The following BMP2K variants were observed in gnomAD, a reference collection of about 807,000 sequenced individuals.
The protein encoded by BMP2K is BMP-2-inducible protein kinase.
Under a neutral mutation model 116.0 loss-of-function variants are expected in BMP2K, and 74 were observed. The observed-to-expected ratio is 0.64, with a 90% CI of 0.53 to 0.77. BMP2K has a LOEUF of 0.77. BMP2K is among the 30% of genes least tolerant of loss of function. The pLI, the probability that BMP2K is intolerant of heterozygous loss-of-function variation, is 0.00. For synonymous variants in BMP2K, 486 were observed against 502.5 expected, an observed-to-expected ratio of 0.97 and a Z score of 0.44; for missense variants, 1,365 against 1,403.6, an observed-to-expected ratio of 0.97 and a Z score of 0.44.
intron 1 of BMP2K, among the ~76,000 whole-genome samples, chr4:78,780,275 C>G (rs1398908489): frequency 6.6e-6 from 1 of 151,964 alleles, no homozygotes. Context: ...AATGTAATCA[C>G]GAGGTTATGG....
At chr4:78,864,997 T>A (rs1046359751) in intron 9 of BMP2K, among the ~76,000 whole-genome samples, 1 of 152,168 alleles carries the variant, frequency 6.6e-6, no homozygotes, top group Non-Finnish European at 1.5e-5. Flanking sequence ...TGGGATAAAT[T>A]TTATATACTT....
chr4:78,900,954 A>AG (rs140256058), intron 15 of BMP2K, among the ~76,000 whole-genome samples: 20,310 of 152,204 alleles, frequency 0.13, 2,510 homozygotes, highest in African/African-American at 0.33. Context: ...GTGGTTTATC[A>AG]AAAGACCATT....
intron 15 of BMP2K, among the ~76,000 whole-genome samples, chr4:78,888,874 A>C (rs1733256609): frequency 6.6e-6 from 1 of 152,182 alleles, no homozygotes; most frequent in Non-Finnish European, 1.5e-5. Context: ...AAAAATCATG[A>C]CTATCTATAA....
chr4:78,836,253 T>C (rs1182894535), intron 3 of BMP2K, among the ~76,000 whole-genome samples: 1 of 151,814 alleles, frequency 6.6e-6, no homozygotes. Flanking sequence ...CCTTCTCTAC[T>C]AAAAATACAA....
rs994686406 is a variant in BMP2K, at chr4:78,915,530, G to T, written c.*3497G>T. 2 of 151,728 alleles carry T rather than the reference G, an allele frequency of 1.3e-5. No homozygotes were observed. Among genetic ancestry groups the T allele is most frequent in the Admixed American group, 6.6e-5 (1 of 15,202 alleles). The allele number at this position is 151,728 out of a possible 1,614,324, so 9.4% of individuals were successfully genotyped here. On this transcript the variant is annotated 3_prime_UTR_variant, in exon 16 of 16. Coordinates refer to ENST00000502613, the MANE Select transcript of BMP2K (RefSeq NM_198892.2). ...CCAATTATTGAGTTGACAGTCTACT[G>T]TGAGAATGAGATGACATATCTACTG...
At chr4:78,834,749 A>G (rs1164413355) in intron 3 of BMP2K, among the ~76,000 whole-genome samples, 2 of 152,126 alleles carry the variant, frequency 1.3e-5, no homozygotes, top group Non-Finnish European at 2.9e-5. Context: ...AAAGAGGGGG[A>G]TGATGGTGAT....
intron 1 of BMP2K, among the ~76,000 whole-genome samples, chr4:78,795,206 A>G (rs1295937947): frequency 2.0e-5 from 3 of 152,312 alleles, no homozygotes; most frequent in Non-Finnish European, 2.9e-5. Flanking sequence ...TTCTCTCTCA[A>G]TAGACTACAA....
intron 1 of BMP2K, among the ~76,000 whole-genome samples, chr4:78,787,817 G>A (rs1727800050): frequency 6.6e-6 from 1 of 152,146 alleles, no homozygotes; most frequent in African/African-American, 2.4e-5. Context: ...TCAGAGGGTA[G>A]CAAACCACCC....
chr4:78,834,182 T>A (rs1037132469), intron 3 of BMP2K, among the ~76,000 whole-genome samples: 1 of 152,194 alleles, frequency 6.6e-6, no homozygotes, highest in African/African-American at 2.4e-5. Context: ...TTGGACCTAA[T>A]GTGATGTTTT....
intron 1 of BMP2K, among the ~76,000 whole-genome samples, chr4:78,810,829 T>TC (rs1431395141): frequency 6.7e-6 from 1 of 148,302 alleles, no homozygotes; most frequent in East Asian, 2.0e-4. Context: ...ATAAAAACAT[T>TC]GTTACAAGGC....
At chr4:78,815,471 GAATT>G (rs1374932758) in intron 1 of BMP2K, among the ~76,000 whole-genome samples, 3 of 152,062 alleles carry the variant, frequency 2.0e-5, no homozygotes, top group Non-Finnish European at 2.9e-5. Flanking sequence ...GTAATATTAA[GAATT>G]AATTGGTAAA....
chr4:78,807,407 G>A (rs1179052490), intron 1 of BMP2K, among the ~76,000 whole-genome samples: 1 of 151,334 alleles, frequency 6.6e-6, no homozygotes, highest in African/African-American at 2.4e-5. Context: ...TTTTTTTCTT[G>A]TGATTTATTT....
chr4:78,817,957 T>C (rs571960571), intron 1 of BMP2K, among the ~76,000 whole-genome samples: 1 of 152,272 alleles, frequency 6.6e-6, no homozygotes, highest in East Asian at 1.9e-4. Context: ...TATATTATGG[T>C]AATAGAGTGA....
intron 15 of BMP2K, among the ~76,000 whole-genome samples, chr4:78,907,041 A>C (rs767487873): frequency 1.3e-5 from 2 of 152,180 alleles, no homozygotes; most frequent in Non-Finnish European, 2.9e-5. Context: ...TGAAGGAAAA[A>C]GTGCATGAAT....
intron 1 of BMP2K, among the ~76,000 whole-genome samples, chr4:78,798,713 T>C (rs1728419873): frequency 6.6e-6 from 1 of 152,236 alleles, no homozygotes; most frequent in Admixed American, 6.5e-5. Context: ...TATTTTAATA[T>C]AAACCTAAAT....
intron 1 of BMP2K, among the ~76,000 whole-genome samples, chr4:78,807,883 A>G (rs1728899642): frequency 6.6e-6 from 1 of 151,888 alleles, no homozygotes; most frequent in Admixed American, 6.6e-5. Context: ...TGATTATATT[A>G]ATTTGTTTTT....
intron 1 of BMP2K, among the ~76,000 whole-genome samples, chr4:78,782,361 A>G (rs77317306): frequency 0.027 from 4,128 of 152,346 alleles, 82 homozygotes; most frequent in Non-Finnish European, 0.042. Context: ...TCTTAAGGCT[A>G]GACAGACTCT....
In BMP2K at chr4:78,851,074, T is replaced by C. The variant is rs1213674702; in HGVS notation, c.883+18T>C. On this transcript the variant is annotated intron_variant, in intron 7 of 15. Transcript: ENST00000502613. Reference sequence around the variant, plus strand: ...CTTAATAAGTAAGTATTTGGGAAAATGTATGAAAATATTGTAGGATACTGT... The same window carrying C: ...CTTAATAAGTAAGTATTTGGGAAAACGTATGAAAATATTGTAGGATACTGT... 3.1e-6 allele frequency: 5 copies of C among 1,597,498 alleles called. No homozygotes were observed. Among genetic ancestry groups the C allele is most frequent in the South Asian group, 1.1e-5 (1 of 89,376 alleles).
chr4:78,838,547 A>G (rs957246733), intron 3 of BMP2K, among the ~76,000 whole-genome samples: 1 of 152,162 alleles, frequency 6.6e-6, no homozygotes, highest in Admixed American at 6.5e-5. Context: ...TTTTTCTTCC[A>G]TGGTGGGGGA....
Sources: gnomAD v4.1 joint callset for allele counts (sites outside exome capture counted in the v4.1 genomes callset) on GRCh38, gnomAD v4.1.1 for gene constraint, MANE v1.5 for transcripts, NCBI Gene and HGNC (gene_info 2026-07-23, HGNC 2026-07-21) for gene names.